KCNIP4: variants seen among roughly 807,000 people sequenced by gnomAD.
KCNIP4 encodes the protein potassium voltage-gated channel interacting protein 4, also known as Kv channel-interacting protein 4.
Under a neutral mutation model 34.0 loss-of-function variants are expected in KCNIP4, and 12 were observed. The observed-to-expected ratio is 0.35, with a 90% CI of 0.23 to 0.57. The LOEUF (loss-of-function observed/expected upper bound fraction) is 0.57. Among genes scored for constraint, KCNIP4 ranks in the 20% least tolerant of loss-of-function variants. The pLI, the probability that KCNIP4 is intolerant of heterozygous loss-of-function variation, is 0.83. For synonymous variants in KCNIP4, 124 were observed against 102.2 expected (o/e 1.21, Z -1.29); for missense variants, 238 against 311.7 (o/e 0.76, Z 1.78).
chr4:21,195,630 T>A (rs1258314603), intron 1 of KCNIP4, among the ~76,000 whole-genome samples: 2 of 152,260 alleles, frequency 1.3e-5, no homozygotes, highest in Non-Finnish European at 2.9e-5. Flanking sequence ...TTCAGTGCCA[T>A]TCAAGAAATC....
intron 1 of KCNIP4, among the ~76,000 whole-genome samples, chr4:21,621,398 A>G (rs1211356117): frequency 6.6e-6 from 1 of 152,090 alleles, no homozygotes; most frequent in Non-Finnish European, 1.5e-5. Flanking sequence ...GTCTTGCTCT[A>G]TCACCCAGGC....
intron 1 of KCNIP4, among the ~76,000 whole-genome samples, chr4:21,258,469 C>T (rs1761228284): frequency 6.6e-6 from 1 of 152,114 alleles, no homozygotes; most frequent in Non-Finnish European, 1.5e-5. Context: ...CCAAGCTCTA[C>T]CCATATTATC....
At chr4:21,119,653 A>G (rs141012991) in intron 1 of KCNIP4, among the ~76,000 whole-genome samples, 1,915 of 152,078 alleles carry the variant, frequency 0.013, 46 homozygotes, top group African/African-American at 0.044. Context: ...ACATTTTTAA[A>G]TCATAGAAAT....
chr4:21,529,308 A>G (rs1261037460), intron 1 of KCNIP4, among the ~76,000 whole-genome samples: 1 of 152,152 alleles, frequency 6.6e-6, no homozygotes, highest in African/African-American at 2.4e-5. Context: ...GAAAGGGTGC[A>G]AAATACATTA....
chr4:21,758,435 C>T (rs1717813221), intron 1 of KCNIP4, among the ~76,000 whole-genome samples: 1 of 152,218 alleles, frequency 6.6e-6, no homozygotes, highest in African/African-American at 2.4e-5. Context: ...GTTTGAGCTT[C>T]GACCTGCACC....
intron 1 of KCNIP4, among the ~76,000 whole-genome samples, chr4:21,091,724 T>G (rs141018935): frequency 6.6e-6 from 1 of 152,304 alleles, no homozygotes; most frequent in African/African-American, 2.4e-5. Flanking sequence ...TGTCACAGAC[T>G]GCTGACTTCT....
intron 4 of KCNIP4, among the ~76,000 whole-genome samples, chr4:20,758,004 A>G (rs1051073057): frequency 1.3e-5 from 2 of 152,162 alleles, no homozygotes; most frequent in African/African-American, 2.4e-5. Flanking sequence ...GACATTGTCC[A>G]TCTGCTACAC....
chr4:20,801,943 A>G (rs1419445384), intron 3 of KCNIP4, among the ~76,000 whole-genome samples: 1 of 151,918 alleles, frequency 6.6e-6, no homozygotes, highest in Non-Finnish European at 1.5e-5. Flanking sequence ...GACCCATAAA[A>G]GACACATGTA....
intron 1 of KCNIP4, among the ~76,000 whole-genome samples, chr4:21,518,227 G>T (rs1734926725): frequency 6.6e-6 from 1 of 152,092 alleles, no homozygotes; most frequent in Admixed American, 6.6e-5. Context: ...CAATATATTG[G>T]CCTGGCAAGT....
chr4:21,317,291 T>C (rs1405846805), intron 1 of KCNIP4, among the ~76,000 whole-genome samples: 1 of 152,144 alleles, frequency 6.6e-6, no homozygotes, highest in Non-Finnish European at 1.5e-5. Context: ...CATCAGCACA[T>C]TTTGATTGAT....
At chr4:21,182,416 T>TC (rs1577845390) in intron 1 of KCNIP4, among the ~76,000 whole-genome samples, 1 of 146,806 alleles carries the variant, frequency 6.8e-6, no homozygotes. Flanking sequence ...CTCTTTTCCC[T>TC]CCCCCTGTCC....
At chr4:21,070,905 G>T (rs147726163) in intron 1 of KCNIP4, among the ~76,000 whole-genome samples, 3,524 of 151,850 alleles carry the variant, frequency 0.023, 125 homozygotes, top group African/African-American at 0.079. Context: ...TTGATCTCCT[G>T]ACCTCGTGAT....
At chr4:21,039,795 A>G (rs1741789895) in intron 1 of KCNIP4, among the ~76,000 whole-genome samples, 1 of 152,210 alleles carries the variant, frequency 6.6e-6, no homozygotes, top group Non-Finnish European at 1.5e-5. Flanking sequence ...ATAAATGCTC[A>G]TTTAATTAAT....
chr4:21,839,334 G>A (rs1162832816), intron 1 of KCNIP4, among the ~76,000 whole-genome samples: 3 of 152,140 alleles, frequency 2.0e-5, no homozygotes, highest in African/African-American at 7.2e-5. Context: ...GCAAACATAA[G>A]TCAGATTATA....
At chr4:21,548,450 G>A (rs1326123521) in intron 1 of KCNIP4, among the ~76,000 whole-genome samples, 2 of 152,046 alleles carry the variant, frequency 1.3e-5, no homozygotes, top group African/African-American at 4.8e-5. Context: ...GGTTGGGAAA[G>A]TTGGCCACAA....
chr4:21,027,138 A>T (rs934542215), intron 1 of KCNIP4, among the ~76,000 whole-genome samples: 7 of 152,220 alleles, frequency 4.6e-5, no homozygotes, highest in African/African-American at 1.4e-4. Context: ...AGAGCTGATG[A>T]TTAATTAGAC....
At chr4:21,914,308 C>T (rs56392214) in intron 1 of KCNIP4, among the ~76,000 whole-genome samples, 33,901 of 151,960 alleles carry the variant, frequency 0.22, 4,705 homozygotes, top group South Asian at 0.31. Context: ...CAGAACTTAT[C>T]ACACTGCTTG....
intron 1 of KCNIP4, among the ~76,000 whole-genome samples, chr4:21,031,934 A>T (rs10007692): frequency 0.025 from 3,759 of 152,304 alleles, 145 homozygotes; most frequent in African/African-American, 0.084. Context: ...CAATTCTGCA[A>T]TGTAACACAA....
intron 5 of KCNIP4, among the ~76,000 whole-genome samples, chr4:20,748,944 A>G (rs923433261): frequency 6.6e-6 from 1 of 150,792 alleles, no homozygotes; most frequent in African/African-American, 2.4e-5. Context: ...CTATGTAAAT[A>G]TCTAGGACAT....
Sources: allele counts gnomAD v4.1 joint callset (sites outside exome capture counted in the v4.1 genomes callset), GRCh38; gene constraint gnomAD v4.1.1; transcripts MANE v1.5; gene names NCBI Gene and HGNC (gene_info 2026-07-23, HGNC 2026-07-21).